CADM2: variants seen among roughly 807,000 people sequenced by gnomAD.
The protein encoded by CADM2 is immunoglobulin superfamily member 4D.
A neutral mutation model predicts 49.8 loss-of-function variants in CADM2; 12 were observed. The ratio of observed to expected loss-of-function variants is 0.24; its 90% CI spans 0.15 to 0.39. The LOEUF (loss-of-function observed/expected upper bound fraction) is 0.39, where lower values mean the gene tolerates loss of function less well. Among genes scored for constraint, CADM2 ranks in the 10% least tolerant of loss-of-function variants. The pLI is 1.00. For synonymous variants in CADM2, 214 were observed against 175.4 expected (o/e 1.22, Z -1.74); for missense variants, 378 against 492.3 (o/e 0.77, Z 2.20).
chr3:85,300,915 A>AC (rs35601381), intron 1 of CADM2, among the ~76,000 whole-genome samples: 1 of 151,980 alleles, frequency 6.6e-6, no homozygotes, highest in African/African-American at 2.4e-5. Context: ...TTTTTAAAAG[A>AC]CCCCATAGTA....
rs533593526 is a variant in CADM2, at chr3:85,174,759, G to A, written c.61+215091G>A. Among the ~76,000 whole-genome samples the A allele has an allele frequency of 9.2e-5, 14 of 152,056 alleles. No homozygotes were observed. The South Asian group carries it at 1.7e-3, about 18-fold the overall frequency. ...AGAAATTTTTCCCGATCATTAAAAC[G>A]TAATGAAAAGGAAAGGGGAAGATAG... is the stretch of plus-strand genomic sequence containing the variant. On this transcript the variant is annotated intron_variant, in intron 1 of 9. Coordinates refer to ENST00000383699, the MANE Select transcript of CADM2 (RefSeq NM_001167675.2).
chr3:85,378,931 CAGTT>C (rs1427448499), intron 1 of CADM2, among the ~76,000 whole-genome samples: 1 of 151,792 alleles, frequency 6.6e-6, no homozygotes, highest in Admixed American at 6.6e-5. Context: ...CAAATAAACT[CAGTT>C]ATTTTCAAGA....
chr3:85,721,806 A>G (rs1263620905), intron 1 of CADM2, among the ~76,000 whole-genome samples: 3 of 152,212 alleles, frequency 2.0e-5, no homozygotes, highest in Non-Finnish European at 2.9e-5. Context: ...GTCTTCTCCC[A>G]CAATGTGGCA....
chr3:85,101,769 A>C (rs2038022303), intron 1 of CADM2, among the ~76,000 whole-genome samples: 1 of 152,202 alleles, frequency 6.6e-6, no homozygotes, highest in Non-Finnish European at 1.5e-5. Context: ...TGTTTACTTT[A>C]ATTGGAAAAT....
At chr3:85,236,284 A>T (rs1353458060) in intron 1 of CADM2, among the ~76,000 whole-genome samples, 1 of 152,020 alleles carries the variant, frequency 6.6e-6, no homozygotes, top group African/African-American at 2.4e-5. Context: ...TATGCATAAA[A>T]TTGGATTATT....
intron 8 of CADM2, among the ~76,000 whole-genome samples, chr3:86,000,624 A>G (rs1325449396): frequency 6.6e-6 from 1 of 151,964 alleles, no homozygotes; most frequent in African/African-American, 2.4e-5. Flanking sequence ...GATGGGGAAG[A>G]GGAAGGAGTC....
intron 1 of CADM2, among the ~76,000 whole-genome samples, chr3:85,464,985 T>G (rs781646438): frequency 1.3e-5 from 2 of 152,076 alleles, no homozygotes; most frequent in Non-Finnish European, 2.9e-5. Flanking sequence ...CCGTCTCTAC[T>G]GAAAATACTA....
At chr3:85,334,099 T>C (rs759892688) in intron 1 of CADM2, among the ~76,000 whole-genome samples, 1 of 151,576 alleles carries the variant, frequency 6.6e-6, no homozygotes, top group African/African-American at 2.4e-5. Context: ...CAAATAAAAA[T>C]AATTTGAAGA....
At chr3:85,970,970 A>G (rs1264014383) in intron 8 of CADM2, among the ~76,000 whole-genome samples, 2 of 151,650 alleles carry the variant, frequency 1.3e-5, no homozygotes, top group Non-Finnish European at 3.0e-5. Flanking sequence ...GGAAAAAAAA[A>G]GTCATGCAAG....
intron 1 of CADM2, among the ~76,000 whole-genome samples, chr3:85,125,196 A>G (rs2038989589): frequency 6.6e-6 from 1 of 152,140 alleles, no homozygotes; most frequent in South Asian, 2.1e-4. Flanking sequence ...CTCAAGTGTA[A>G]CCTAACTCAG....
rs375649254 is a variant in CADM2 at position 85,356,925 on chromosome 3, A to G, written c.62-369597A>G. ...ATTTAAAGACAAATTGAATGAGATG[A>G]TACATGATATCACTGACCTTCCACT... is the stretch of plus-strand genomic sequence containing the variant. On this transcript the variant is annotated intron_variant, in intron 1 of 9. Coordinates refer to ENST00000383699, the MANE Select transcript of CADM2 (RefSeq NM_001167675.2). Among the ~76,000 whole-genome samples, 61 of 152,256 alleles carry G rather than the reference A, an allele frequency of 4.0e-4. 1 individual carries two copies. In the East Asian group the frequency reaches 4.1e-3, roughly 10 times the overall value.
chr3:85,495,959 G>C (rs2039870832), intron 1 of CADM2, among the ~76,000 whole-genome samples: 1 of 151,954 alleles, frequency 6.6e-6, no homozygotes, highest in South Asian at 2.1e-4. Flanking sequence ...ATTAATAATG[G>C]TTTCCTCTGC....
At chr3:85,898,969 T>A (rs1715721009) in intron 5 of CADM2, among the ~76,000 whole-genome samples, 1 of 46,040 alleles carries the variant, frequency 2.2e-5, no homozygotes, top group Non-Finnish European at 4.5e-5. Flanking sequence ...TTTTTTTTTT[T>A]TTTTTTTTTT....
chr3:85,447,026 A>ATG (rs1216624227), intron 1 of CADM2, among the ~76,000 whole-genome samples: 1 of 138,766 alleles, frequency 7.2e-6, no homozygotes, highest in African/African-American at 2.8e-5. Flanking sequence ...ATATATATAT[A>ATG]TATATGCTTA....
intron 1 of CADM2, among the ~76,000 whole-genome samples, chr3:85,036,932 G>A (rs116021253): frequency 0.028 from 4,181 of 149,560 alleles, 77 homozygotes; most frequent in Non-Finnish European, 0.047. Flanking sequence ...CAGGTGGATC[G>A]CCTGAGGTCA....
chr3:85,290,834 G>T (rs961270173), intron 1 of CADM2, among the ~76,000 whole-genome samples: 1 of 152,114 alleles, frequency 6.6e-6, no homozygotes, highest in Non-Finnish European at 1.5e-5. Context: ...CACAAAGATG[G>T]GGAAAAAACA....
chr3:85,186,106 T>C (rs964135960), intron 1 of CADM2, among the ~76,000 whole-genome samples: 1 of 152,172 alleles, frequency 6.6e-6, no homozygotes, highest in Non-Finnish European at 1.5e-5. Flanking sequence ...GAAATTTAGA[T>C]TGTTTTTTAA....
intron 1 of CADM2, among the ~76,000 whole-genome samples, chr3:85,315,591 G>A (rs570077621): frequency 4.6e-5 from 7 of 152,184 alleles, no homozygotes; most frequent in Non-Finnish European, 1.0e-4. Flanking sequence ...TACTACACAA[G>A]TACAAACAAT....
intron 1 of CADM2, among the ~76,000 whole-genome samples, chr3:85,576,442 C>T (rs923772467): frequency 1.3e-5 from 2 of 152,130 alleles, no homozygotes; most frequent in Non-Finnish European, 2.9e-5. Flanking sequence ...AATCCTGAAT[C>T]TGACAATTTA....
Sources: allele counts gnomAD v4.1 joint callset (sites outside exome capture counted in the v4.1 genomes callset), GRCh38; gene constraint gnomAD v4.1.1; transcripts MANE v1.5; gene names NCBI Gene and HGNC (gene_info 2026-07-23, HGNC 2026-07-21).